The following CCND3 variants were observed in gnomAD, a reference collection of about 807,000 sequenced individuals.
CCND3 encodes G1/S-specific cyclin-D3.
Under a neutral mutation model 28.7 loss-of-function variants are expected in CCND3, and 9 were observed. The observed-to-expected ratio is 0.31, with a 90% CI of 0.19 to 0.55. The LOEUF is 0.55. Ranked by LOEUF, CCND3 falls within the 20% of genes least tolerant of loss-of-function variation. The pLI is 0.93. For synonymous variants in CCND3, 164 were observed against 163.9 expected, an observed-to-expected ratio of 1.00 and a Z score of 0.00; for missense variants, 315 against 385.8, an observed-to-expected ratio of 0.82 and a Z score of 1.54.
At chr6:42,005,601 T>C (rs1249990815) in intron 1 of CCND3, among the ~76,000 whole-genome samples, 2 of 149,396 alleles carry the variant, frequency 1.3e-5, no homozygotes, top group Non-Finnish European at 3.0e-5. Flanking sequence ...GGCTCATTCC[T>C]GTAATCTCAG....
intron 1 of CCND3, among the ~76,000 whole-genome samples, chr6:41,953,739 T>C: frequency 6.6e-6 from 1 of 151,992 alleles, no homozygotes; most frequent in Non-Finnish European, 1.5e-5. Flanking sequence ...ATCACGGTAA[T>C]TCCACAAGTG....
intron 1 of CCND3, among the ~76,000 whole-genome samples, chr6:41,999,763 C>T (rs12661263): frequency 0.11 from 16,693 of 152,028 alleles, 1,076 homozygotes; most frequent in East Asian, 0.26. Context: ...TGGTGGTATG[C>T]ACCTACAGTC....
intron 1 of CCND3, among the ~76,000 whole-genome samples, chr6:41,989,653 C>T (rs1285280172): frequency 6.6e-6 from 1 of 152,042 alleles, no homozygotes; most frequent in East Asian, 1.9e-4. Context: ...ATTAGAATGA[C>T]TGAGATACCA....
intron 1 of CCND3, among the ~76,000 whole-genome samples, chr6:41,989,837 G>A (rs931481795): frequency 6.6e-6 from 1 of 152,060 alleles, no homozygotes; most frequent in African/African-American, 2.4e-5. Flanking sequence ...CTGCCCAAAT[G>A]AACTGAAAAC....
chr6:41,966,974 T>C (rs944301266), intron 1 of CCND3, among the ~76,000 whole-genome samples: 3 of 152,160 alleles, frequency 2.0e-5, no homozygotes, highest in African/African-American at 7.2e-5. Flanking sequence ...TAATTAATAA[T>C]AATATAACAA....
chr6:42,031,950 G>T lies in CCND3; in HGVS notation c.-46+16551C>A, dbSNP rs10807274. 7.2e-5 allele frequency among the ~76,000 whole-genome samples: 11 copies of T among 152,052 alleles called. 1 individual carries two copies. The South Asian group carries it at 2.1e-3, about 29-fold the overall frequency. ...GATTACAGGCACGCATCATCACACC[G>T]GTCTAATTTTTTGTATTTTTAATAG... On this transcript the variant is annotated intron_variant, in intron 1 of 4. Coordinates refer to the CCND3 transcript ENST00000372988.
At chr6:42,042,611 C>T (rs1476220374) in intron 1 of CCND3, among the ~76,000 whole-genome samples, 1 of 152,182 alleles carries the variant, frequency 6.6e-6, no homozygotes, top group Non-Finnish European at 1.5e-5. Flanking sequence ...CCACCCGCCT[C>T]AGCCTTCCAA....
chr6:41,996,904 C>A (rs545861107), intron 1 of CCND3, among the ~76,000 whole-genome samples: 2 of 152,260 alleles, frequency 1.3e-5, no homozygotes, highest in African/African-American at 4.8e-5. Flanking sequence ...ACCTCATGAT[C>A]CTCCCGCCTT....
chr6:41,985,919 G>A (rs62417398), intron 1 of CCND3, among the ~76,000 whole-genome samples: 110,366 of 111,508 alleles, frequency 0.99, 54,645 homozygotes, highest in Middle Eastern at 1. Context: ...GTGAGCCACC[G>A]CGCCCGGCCC....
rs573923240 is a variant in CCND3 at position 41,992,351 on chromosome 6, C to T, written c.-45-51766G>A. ...CTAATTTTTGCATTTTTAGTAAAGA[C>T]GTGGTTTTACCATGTTGGGCAGGCT... On this transcript the variant is annotated intron_variant, in intron 1 of 4. Coordinates refer to the CCND3 transcript ENST00000372988. Among the ~76,000 whole-genome samples the T allele has an allele frequency of 1.3e-4, 19 of 151,678 alleles. No individual in the cohort carries two copies. In the East Asian group the frequency reaches 3.5e-3, roughly 28 times the overall value.
chr6:41,988,142 C>G (rs981453800), intron 1 of CCND3, among the ~76,000 whole-genome samples: 1 of 151,716 alleles, frequency 6.6e-6, no homozygotes, highest in African/African-American at 2.4e-5. Context: ...ATGGAGAAAC[C>G]CTGTCTCTAC....
In CCND3 at chr6:42,036,403, ATT is replaced by A. The variant is rs57849655; in HGVS notation, c.-46+12096_-46+12097del. ...TATATATATATATATATATATATATATTTTTTTTTTTTTTTTTTTTTTTTGAC... is the reference window on the plus strand; with the variant it reads ...TATATATATATATATATATATATATATTTTTTTTTTTTTTTTTTTTTTGAC... On this transcript the variant is annotated intron_variant, in intron 1 of 4. Transcript: ENST00000372988. Among the ~76,000 whole-genome samples, 204 of 31,188 alleles carry A rather than the reference ATT, an allele frequency of 6.5e-3. 1 individual carries two copies. The highest frequency in any genetic ancestry group is 0.023 in the African/African-American group (156 of 6,790). 20.5% of individuals were successfully genotyped at this position (31,188 alleles called of 152,430 possible).
chr6:42,005,683 C>A (rs1020084079), intron 1 of CCND3, among the ~76,000 whole-genome samples: 1 of 151,702 alleles, frequency 6.6e-6, no homozygotes, highest in African/African-American at 2.4e-5. Flanking sequence ...CATGGTGAGG[C>A]CCCATTTCTT....
At chr6:41,986,851 C>G (rs1762493133) in intron 1 of CCND3, among the ~76,000 whole-genome samples, 1 of 151,982 alleles carries the variant, frequency 6.6e-6, no homozygotes, top group Non-Finnish European at 1.5e-5. Flanking sequence ...TGTCACGGAT[C>G]TATTTCTGAG....
chr6:41,960,428 C>A (rs1051729226), intron 1 of CCND3, among the ~76,000 whole-genome samples: 3 of 152,148 alleles, frequency 2.0e-5, no homozygotes, highest in Non-Finnish European at 4.4e-5. Flanking sequence ...ATAAAGGATT[C>A]CAATTTGGAT....
intron 1 of CCND3, among the ~76,000 whole-genome samples, chr6:42,036,333 A>T (rs1250074530): frequency 3.2e-5 from 4 of 126,598 alleles, no homozygotes; most frequent in Non-Finnish European, 6.7e-5. Flanking sequence ...TAAAATATAT[A>T]TATGGAGCCT....
At chr6:42,018,831 T>C (rs551075167) in intron 1 of CCND3, among the ~76,000 whole-genome samples, 2 of 148,598 alleles carry the variant, frequency 1.3e-5, no homozygotes, top group South Asian at 2.1e-4. Context: ...GCAGAGGTTG[T>C]GGTGAGCCGA....
At chr6:41,942,872 CTTTT>C (rs60884050), upstream of CCND3, among the ~76,000 whole-genome samples, 107 of 82,576 alleles carry the variant, frequency 1.3e-3, no homozygotes, top group African/African-American at 4.8e-3. Context: ...GTTAATTATT[CTTTT>C]TTTTTTTTTT....
At chr6:42,038,566 A>T (rs4400214) in intron 1 of CCND3, among the ~76,000 whole-genome samples, 91,654 of 150,626 alleles carry the variant, frequency 0.61, 28,692 homozygotes, top group East Asian at 0.89. Flanking sequence ...AAGCAAGAAG[A>T]GGGCATATCA....
Sources: gnomAD v4.1 joint callset for allele counts (sites outside exome capture counted in the v4.1 genomes callset) on GRCh38, gnomAD v4.1.1 for gene constraint, MANE v1.5 for transcripts, NCBI Gene and HGNC (gene_info 2026-07-23, HGNC 2026-07-21) for gene names.